The following TMEM106B variants were observed in gnomAD, a reference collection of about 807,000 sequenced individuals.
TMEM106B encodes transmembrane protein 106B.
TMEM106B carries 15 observed loss-of-function variants against 31.1 expected under a neutral mutation model. The ratio of observed to expected loss-of-function variants is 0.48; its 90% CI spans 0.32 to 0.74. The LOEUF is 0.74. Among genes scored for constraint, TMEM106B ranks in the 30% least tolerant of loss-of-function variants. TMEM106B has a pLI of 0.03. For synonymous variants in TMEM106B, 126 were observed against 112.5 expected, an observed-to-expected ratio of 1.12 and a Z score of -0.76; for missense variants, 283 against 327.3, an observed-to-expected ratio of 0.86 and a Z score of 1.04.
At chr7:12,217,128 A>C (rs547116121) in intron 2 of TMEM106B, among the ~76,000 whole-genome samples, 2 of 152,276 alleles carry the variant, frequency 1.3e-5, no homozygotes, top group East Asian at 3.9e-4. Context: ...TAAGAGAATT[A>C]TTGGAGCAAT....
chr7:12,211,871 G>C (rs1366645960), intron 1 of TMEM106B, among the ~76,000 whole-genome samples: 2 of 152,168 alleles, frequency 1.3e-5, no homozygotes, highest in Admixed American at 6.5e-5. Context: ...ATTTAAATTG[G>C]AGTGCTGTGA....
Position 12,229,758 on chromosome 7 carries a change from C to G in TMEM106B, c.521C>G (p.Thr174Arg), listed in dbSNP as rs1781978194. The change falls in exon 5 of 8, where the codon ACA becomes AGA. Residue 174 changes from threonine to arginine, a missense_variant. Coordinates refer to ENST00000396668, the MANE Select transcript of TMEM106B (RefSeq NM_001134232.2). ...ACTGCCCAAGTTCAATTTTCAAAAA[C>G]AGTTATTGGAAAGGCACGCTTAAAC... The part of the protein sequence containing the change: ...NITAQVQFSK[T>R]VIGKARLNNI... The G allele has an allele frequency of 1.9e-6, 3 of 1,613,118 alleles. No homozygotes were observed. Among genetic ancestry groups the G allele is most frequent in the African/African-American group, 1.3e-5 (1 of 74,888 alleles).
intron 4 of TMEM106B, among the ~76,000 whole-genome samples, chr7:12,226,728 T>C (rs1000790810): frequency 5.3e-5 from 8 of 152,108 alleles, no homozygotes; most frequent in African/African-American, 9.7e-5. Flanking sequence ...TTTATTCTTA[T>C]TGCTTTCTGT....
At chr7:12,215,098 G>A in intron 2 of TMEM106B, 71 bp downstream of exon 2, 1 of 1,357,376 alleles carries the variant, frequency 7.4e-7, no homozygotes. Flanking sequence ...AAAACTGTGG[G>A]TCTCAGGAAC....
At chr7:12,218,902 T>G (rs1372363595) in intron 3 of TMEM106B, among the ~76,000 whole-genome samples, 1 of 152,104 alleles carries the variant, frequency 6.6e-6, no homozygotes, top group East Asian at 1.9e-4. Context: ...GTGTGGAGGT[T>G]GTGAAGGAAA....
At chr7:12,213,850 G>A (rs987382966) in intron 1 of TMEM106B, among the ~76,000 whole-genome samples, 2 of 152,120 alleles carry the variant, frequency 1.3e-5, no homozygotes, top group Non-Finnish European at 2.9e-5. Flanking sequence ...AGTGGAACCC[G>A]CTTCTCTGTC....
At position 12,232,939 on chromosome 7, in the gene TMEM106B, G is replaced by GACATGTTTTGCA. The variant is rs1782054966; in HGVS notation, c.*967_*978dup. On this transcript the variant is annotated 3_prime_UTR_variant, in exon 8 of 8. Transcript: ENST00000396668. Reference sequence around the variant, plus strand: ...GCTTTTCATACTAAAGAATGGTGTAGACATGTTTTGCAACTGTTAGGTACC... The same window carrying GACATGTTTTGCA: ...GCTTTTCATACTAAAGAATGGTGTAGACATGTTTTGCAACATGTTTTGCAACTGTTAGGTACC... 6.6e-6 allele frequency: 1 copy of GACATGTTTTGCA among 151,734 alleles called. No individual in the cohort carries two copies. The highest frequency in any genetic ancestry group is 2.1e-4 in the South Asian group (1 of 4,828). 9.4% of individuals were successfully genotyped at this position (151,734 alleles called of 1,614,324 possible).
rs139417104 is a variant in TMEM106B at position 12,218,440 on chromosome 7, T to TA, written c.218-17dup. On this transcript the variant is annotated splice_polypyrimidine_tract_variant and intron_variant, in intron 2 of 7. Transcript: ENST00000396668. ...AACTAATCATAGTAATTTCTGAACT[T>TA]ACTTCTTTCACATTTAGGGCAAGAA... 0.025 allele frequency: 40,058 copies of TA among 1,607,196 alleles called. 607 individuals are homozygous for TA. The highest frequency in any genetic ancestry group is 0.03 in the Non-Finnish European group (35,631 of 1,175,198).
chr7:12,211,756 C>G (rs536391336), intron 1 of TMEM106B, among the ~76,000 whole-genome samples: 1 of 152,340 alleles, frequency 6.6e-6, no homozygotes, highest in South Asian at 2.1e-4. Flanking sequence ...ACAGAGTAGG[C>G]TTTGTGCTAG....
Position 12,235,090 on chromosome 7 carries a change from T to C in TMEM106B, c.*3115T>C, listed in dbSNP as rs1010613588. 1 of 152,342 alleles carries C rather than the reference T, an allele frequency of 6.6e-6. No homozygotes were observed. Among genetic ancestry groups the C allele is most frequent in the Non-Finnish European group, 1.5e-5 (1 of 67,844 alleles). 9.4% of individuals were successfully genotyped at this position (152,342 alleles called of 1,614,324 possible). On this transcript the variant is annotated 3_prime_UTR_variant, in exon 8 of 8. Transcript: ENST00000396668. ...GTTAGTAGTGACAAACTAATACTGC[T>C]GGACTAAGATTTTGGTAGCATTGTT...
intron 5 of TMEM106B, among the ~76,000 whole-genome samples, chr7:12,230,178 C>T (rs12699333): frequency 0.5 from 76,306 of 151,384 alleles, 20,315 homozygotes; most frequent in African/African-American, 0.66. Flanking sequence ...ATCACACCGC[C>T]GTACTCCAAA....
rs151183990 is a variant in TMEM106B at position 12,231,927 on chromosome 7, T to C, written c.777T>C (p.Tyr259=). 123 of 1,612,494 alleles carry C rather than the reference T, an allele frequency of 7.6e-5. No homozygotes were observed. In the African/African-American group the frequency reaches 1.4e-3, roughly 18 times the overall value. The stretch of plus-strand genomic sequence containing the variant: ...TCGACTGTGGAAGAAACACAACTTA[T>C]CAGTTGGGGCAGTCTGAATATTTAA... The part of the protein sequence containing the change: ...QYVDCGRNTT[Y]QLGQSEYLNV... The change falls in exon 8 of 8, where the codon TAT becomes TAC. Residue 259 remains tyrosine (Y), a synonymous_variant. Coordinates refer to ENST00000396668, the MANE Select transcript of TMEM106B (RefSeq NM_001134232.2).
At chr7:12,214,460 C>A in intron 1 of TMEM106B, 1 of 200,694 alleles carries the variant, frequency 5.0e-6, no homozygotes. Flanking sequence ...GCACCTATGA[C>A]CTGGACACCC....
At chr7:12,228,036 A>C (rs1383176201) in intron 4 of TMEM106B, among the ~76,000 whole-genome samples, 1 of 151,912 alleles carries the variant, frequency 6.6e-6, no homozygotes, top group Admixed American at 6.6e-5. Context: ...ATTGACCTCA[A>C]ATTAACTATC....
At chr7:12,224,872 T>A (rs893791458) in intron 4 of TMEM106B, among the ~76,000 whole-genome samples, 9 of 148,380 alleles carry the variant, frequency 6.1e-5, no homozygotes, top group Non-Finnish European at 1.2e-4. Flanking sequence ...AATGCCGTGT[T>A]TTTTTTTTTT....
In TMEM106B at chr7:12,236,369, C is replaced by G. The variant is rs1446842999; in HGVS notation, c.*4394C>G. 1 of 151,798 alleles carries G rather than the reference C, an allele frequency of 6.6e-6. No homozygotes were observed. The highest frequency in any genetic ancestry group is 1.5e-5 in the Non-Finnish European group (1 of 67,826). The allele number at this position is 151,798 out of a possible 1,614,324, so 9.4% of individuals were successfully genotyped here. On this transcript the variant is annotated 3_prime_UTR_variant, in exon 8 of 8. Transcript: ENST00000396668. ...TATTTGTACAAGTATTTATCACAGA[C>G]TCTAAATTGAAAAATGTAGTATGAT...
intron 1 of TMEM106B, chr7:12,214,454 C>T (rs1444741480): frequency 5.2e-6 from 1 of 193,936 alleles, no homozygotes; most frequent in African/African-American, 2.3e-5. Context: ...ACCTATGCAC[C>T]TATGACCTGG....
intron 3 of TMEM106B, among the ~76,000 whole-genome samples, chr7:12,221,916 G>GAA (rs1781796933): frequency 6.6e-6 from 1 of 152,190 alleles, no homozygotes; most frequent in Non-Finnish European, 1.5e-5. Flanking sequence ...GGAGCAGAGA[G>GAA]AATAGTCCTC....
At chr7:12,224,454 C>A (rs990564727) in intron 4 of TMEM106B, 69 bp downstream of exon 4, 2 of 1,325,294 alleles carry the variant, frequency 1.5e-6, no homozygotes, top group Admixed American at 4.0e-5. Context: ...ACCTTTGTCC[C>A]CATTGAGAAG....
Sources: allele counts gnomAD v4.1 joint callset (sites outside exome capture counted in the v4.1 genomes callset), GRCh38; gene constraint gnomAD v4.1.1; transcripts MANE v1.5; gene names NCBI Gene and HGNC (gene_info 2026-07-23, HGNC 2026-07-21).